The following C9orf85 variants were observed in gnomAD, a reference collection of about 807,000 sequenced individuals.
C9orf85 encodes chromosome 9 open reading frame 85, also known as uncharacterized protein C9orf85.
C9orf85 carries 16 observed loss-of-function variants against 14.9 expected under a neutral mutation model. The observed-to-expected ratio is 1.08, with a 90% CI of 0.73 to 1.63. The LOEUF is 1.63. Ranked by LOEUF, C9orf85 falls within the 40% of genes most tolerant of loss-of-function variation. C9orf85 has a pLI of 0.00. For synonymous variants in C9orf85, 45 were observed against 56.8 expected (o/e 0.79, Z 0.93); for missense variants, 172 against 186.1 (o/e 0.92, Z 0.44).
intron 2 of C9orf85, among the ~76,000 whole-genome samples, chr9:71,964,094 A>C (rs1346715157): frequency 6.6e-6 from 1 of 152,046 alleles, no homozygotes; most frequent in African/African-American, 2.4e-5. Flanking sequence ...GGGTTTGTGA[A>C]TGCACCAATC....
exon 4 of C9orf85, chr9:71,982,834 C>A: frequency 3.3e-6 from 1 of 305,528 alleles, no homozygotes; most frequent in Non-Finnish European, 6.3e-6. Context: ...TGGGGTTTCA[C>A]TATGTTGGCC....
chr9:71,923,311 G>T (rs892029480), intron 1 of C9orf85, among the ~76,000 whole-genome samples: 2 of 152,080 alleles, frequency 1.3e-5, no homozygotes, highest in African/African-American at 2.4e-5. Flanking sequence ...CCTGTTGCCA[G>T]ACTGGAGTAC....
At chr9:71,965,452 C>A (rs1040524476) in intron 2 of C9orf85, among the ~76,000 whole-genome samples, 1 of 152,044 alleles carries the variant, frequency 6.6e-6, no homozygotes, top group Non-Finnish European at 1.5e-5. Context: ...ATGTCAAGGG[C>A]GGGCTAGAAT....
downstream of C9orf85, among the ~76,000 whole-genome samples, chr9:71,974,903 C>CT (rs989341808): frequency 2.6e-5 from 4 of 152,106 alleles, no homozygotes; most frequent in Admixed American, 2.6e-4. Flanking sequence ...GCTTGAGCCC[C>CT]TTTTTGTGTT....
intron 1 of C9orf85, among the ~76,000 whole-genome samples, chr9:71,913,541 T>G (rs1050304427): frequency 6.6e-6 from 1 of 152,208 alleles, no homozygotes; most frequent in African/African-American, 2.4e-5. Flanking sequence ...TTTTTCAGAA[T>G]GAAAACCTGA....
At chr9:71,976,809 C>T (rs556921689), downstream of C9orf85, among the ~76,000 whole-genome samples, 461 of 152,056 alleles carry the variant, frequency 3.0e-3, 4 homozygotes, top group African/African-American at 0.01. Context: ...AAGCCATTCC[C>T]ATGCCTATTT....
rs574926387 is a variant in C9orf85, at chr9:71,932,813, A to G, written c.103-14193A>G. Reference sequence around the variant, plus strand: ...CTGAAAAAGAAGTGATGGTGGATCTATTAGAACTTTGAAATAGCTGTCCGA... The same window carrying G: ...CTGAAAAAGAAGTGATGGTGGATCTGTTAGAACTTTGAAATAGCTGTCCGA... On this transcript the variant is annotated intron_variant, in intron 1 of 3. Transcript: ENST00000334731. Among the ~76,000 whole-genome samples, 338 of 152,340 alleles carry G rather than the reference A, an allele frequency of 2.2e-3. 3 individuals carry two copies. Among genetic ancestry groups the G allele is most frequent in the African/African-American group, 7.7e-3 (320 of 41,600 alleles).
intron 1 of C9orf85, among the ~76,000 whole-genome samples, chr9:71,925,396 T>G (rs773125661): frequency 2.0e-5 from 3 of 152,186 alleles, no homozygotes; most frequent in African/African-American, 4.8e-5. Context: ...GGTACACGCC[T>G]ATAATCCCAG....
chr9:71,963,476 G>A (rs754030394), intron 2 of C9orf85, among the ~76,000 whole-genome samples: 24 of 152,184 alleles, frequency 1.6e-4, no homozygotes, highest in Non-Finnish European at 3.1e-4. Context: ...CTGCATTGTG[G>A]TAGCCCCTTT....
In C9orf85 at chr9:71,968,097, T is replaced by TAGAGAG. The variant is rs779158859; in HGVS notation, c.210-3407_210-3406insGAGAGA. 3.6e-3 allele frequency among the ~76,000 whole-genome samples: 135 copies of TAGAGAG among 37,254 alleles called. 1 individual carries two copies. The highest frequency in any genetic ancestry group is 8.6e-3 in the African/African-American group (95 of 11,012). The allele number at this position is 37,254 out of a possible 152,430, so 24.4% of individuals were successfully genotyped here. ...ATAAATCCATTGCTGCATATATATA[T>TAGAGAG]ATATAGAGAGAGAGAGAGAGAGTGC... On this transcript the variant is annotated intron_variant, in intron 2 of 3. Coordinates refer to ENST00000334731, the MANE Select transcript of C9orf85 (RefSeq NM_182505.5).
intron 1 of C9orf85, among the ~76,000 whole-genome samples, chr9:71,914,169 T>C (rs1827587128): frequency 6.6e-6 from 1 of 152,200 alleles, no homozygotes; most frequent in Non-Finnish European, 1.5e-5. Flanking sequence ...TGGAAAGCTA[T>C]TTGATCTGGT....
chr9:71,966,496 A>G (rs7025699), intron 2 of C9orf85, among the ~76,000 whole-genome samples: 3,349 of 152,200 alleles, frequency 0.022, 133 homozygotes, highest in African/African-American at 0.076. Context: ...CATTTTAGGG[A>G]GGTTTGAATT....
chr9:71,971,975 C>CAAA (rs1280978130), intron 3 of C9orf85, among the ~76,000 whole-genome samples: 9 of 53,172 alleles, frequency 1.7e-4, no homozygotes, highest in African/African-American at 2.7e-4. Flanking sequence ...GACTCCATCT[C>CAAA]AAAAAAAAAA....
chr9:71,983,110 C>T (rs1001117440), exon 4 of C9orf85: 1 of 152,102 alleles, frequency 6.6e-6, no homozygotes, highest in Non-Finnish European at 1.5e-5. Flanking sequence ...ATTCTCCTGC[C>T]TCAGCCTCCC....
chr9:71,948,852 G>C (rs1822170723), intron 2 of C9orf85, among the ~76,000 whole-genome samples: 1 of 127,302 alleles, frequency 7.9e-6, no homozygotes, highest in South Asian at 2.4e-4. Flanking sequence ...CCAGCTTCTT[G>C]CTCCTTTTAG....
intron 1 of C9orf85, among the ~76,000 whole-genome samples, chr9:71,939,463 G>A (rs1828277237): frequency 6.6e-6 from 1 of 152,008 alleles, no homozygotes; most frequent in African/African-American, 2.4e-5. Context: ...CAAATGACTG[G>A]GGTTTATCTA....
intron 1 of C9orf85, among the ~76,000 whole-genome samples, chr9:71,931,868 G>A (rs372636558): frequency 5.3e-5 from 8 of 152,280 alleles, no homozygotes; most frequent in Admixed American, 2.0e-4. Context: ...AGTATTCCCA[G>A]TAGCAGAGGT....
chr9:71,951,998 A>T (rs1308052990), intron 2 of C9orf85, among the ~76,000 whole-genome samples: 1 of 152,188 alleles, frequency 6.6e-6, no homozygotes, highest in East Asian at 1.9e-4. Flanking sequence ...TTTTCAAGGT[A>T]CTAGAAATAT....
chr9:71,971,235 T>C (rs1247049051), intron 2 of C9orf85, among the ~76,000 whole-genome samples: 4 of 152,220 alleles, frequency 2.6e-5, no homozygotes, highest in African/African-American at 9.6e-5. Context: ...AGTTGAGTTT[T>C]GTATATTGAT....
Sources: allele counts gnomAD v4.1 joint callset (sites outside exome capture counted in the v4.1 genomes callset), GRCh38; gene constraint gnomAD v4.1.1; transcripts MANE v1.5; gene names NCBI Gene and HGNC (gene_info 2026-07-23, HGNC 2026-07-21).